ADAMTS18: variants seen among roughly 807,000 people sequenced by gnomAD.
ADAMTS18 encodes A disintegrin and metalloproteinase with thrombospondin motifs 18.
A neutral mutation model predicts 165.9 loss-of-function variants in ADAMTS18; 157 were observed. The observed-to-expected ratio is 0.95, with a 90% CI of 0.83 to 1.08. The LOEUF (loss-of-function observed/expected upper bound fraction) is 1.08, where lower values mean the gene tolerates loss of function less well. ADAMTS18 is among the 50% of genes least tolerant of loss of function. ADAMTS18 has a pLI of 0.00. For synonymous variants in ADAMTS18, 782 were observed against 578.2 expected, an observed-to-expected ratio of 1.35 and a Z score of -5.06; for missense variants, 2,040 against 1,534.0, an observed-to-expected ratio of 1.33 and a Z score of -5.51.
chr16:77,412,885 C>CA (rs1284511515), intron 3 of ADAMTS18, among the ~76,000 whole-genome samples: 1 of 152,062 alleles, frequency 6.6e-6, no homozygotes, highest in East Asian at 1.9e-4. Flanking sequence ...AACCATATCA[C>CA]AGGGTCTCAC....
chr16:77,433,649 G>A (rs1022884695), intron 2 of ADAMTS18, among the ~76,000 whole-genome samples: 1 of 152,174 alleles, frequency 6.6e-6, no homozygotes, highest in Non-Finnish European at 1.5e-5. Context: ...GACAAGAAAA[G>A]GAGATAACCT....
At position 77,434,462 on chromosome 16, in the gene ADAMTS18, G is replaced by A. The variant is rs1444749110; in HGVS notation, c.134C>T (p.Ala45Val). The stretch of plus-strand genomic sequence containing the variant: ...GCCGCTGCTGCTGTCACTGGCTAAG[G>A]CCGCGGCGACCGACGCACAGCAGAG... ...CCLCCASVAA[A>V]LASDSSSGAS... The change falls in exon 2 of 23, where the codon GCC becomes GTC. Residue 45 changes from alanine to valine, a missense_variant. Transcript: ENST00000282849. 1 of 1,572,618 alleles carries A rather than the reference G, an allele frequency of 6.4e-7. No individual in the cohort carries two copies. The highest frequency in any genetic ancestry group is 1.8e-5 in the Admixed American group (1 of 56,040).
intron 3 of ADAMTS18, among the ~76,000 whole-genome samples, chr16:77,402,900 C>T (rs2057348999): frequency 6.6e-6 from 1 of 152,076 alleles, no homozygotes; most frequent in Non-Finnish European, 1.5e-5. Flanking sequence ...TGGGAAATGC[C>T]CCAAATGTCA....
chr16:77,341,842 A>C, intron 10 of ADAMTS18, 43 bp from the exon 11 acceptor site: 1 of 1,356,404 alleles, frequency 7.4e-7, no homozygotes. Context: ...GGTGATATAC[A>C]ATAAAAACAA....
Position 77,349,802 on chromosome 16 carries a change from T to C in ADAMTS18, c.1614+3931A>G, listed in dbSNP as rs145985011. Reference sequence around the variant, plus strand: ...GAAGAAATATACACCGATCCTGCTATCCTTCCAATACAATGCTCTCTAGAA... The same window carrying C: ...GAAGAAATATACACCGATCCTGCTACCCTTCCAATACAATGCTCTCTAGAA... On this transcript the variant is annotated intron_variant, in intron 10 of 22. Transcript: ENST00000282849. Among the ~76,000 whole-genome samples the C allele has an allele frequency of 6.5e-3, 996 of 152,304 alleles. 8 individuals carry two copies. Among genetic ancestry groups the C allele is most frequent in the Admixed American group, 0.011 (170 of 15,300 alleles).
Position 77,353,767 on chromosome 16 carries a change from G to A in ADAMTS18, c.1580C>T (p.Ala527Val), listed in dbSNP as rs764704645. 2 of 1,614,072 alleles carry A rather than the reference G, an allele frequency of 1.2e-6. No individual in the cohort carries two copies. The highest frequency in any genetic ancestry group is 3.3e-5 in the Admixed American group (2 of 60,004). ...ACCAAGGCTGCATAACTTGGCTTTT[G>A]CTCCAAATTGCCATTTACACTGTGT... ...ADTQCKWQFG[A>V]KAKLCSLGFV... is the part of the protein sequence containing the mutation. Residue 527 changes from alanine to valine, a missense_variant, in exon 10 of 23, where the codon GCA becomes GTA. Ala to Val is a moderately conservative substitution (Grantham distance 64). Transcript: ENST00000282849.
intron 3 of ADAMTS18, among the ~76,000 whole-genome samples, chr16:77,423,281 T>A (rs146174061): frequency 7.2e-4 from 110 of 152,360 alleles, no homozygotes; most frequent in African/African-American, 2.6e-3. Flanking sequence ...TTAACTGTTA[T>A]GTTTTTATCT....
chr16:77,347,103 T>C (rs918044880), intron 10 of ADAMTS18, among the ~76,000 whole-genome samples: 3 of 152,186 alleles, frequency 2.0e-5, no homozygotes, highest in African/African-American at 7.2e-5. Context: ...TCATCCATGT[T>C]TTTGTGTGTA....
intron 3 of ADAMTS18, among the ~76,000 whole-genome samples, chr16:77,416,717 A>T (rs2057535056): frequency 6.6e-6 from 1 of 152,186 alleles, no homozygotes; most frequent in African/African-American, 2.4e-5. Flanking sequence ...ACTGATACAT[A>T]TACTATGCTC....
In ADAMTS18 at chr16:77,325,993, A is replaced by G; in HGVS notation, c.1905T>C (p.Tyr635=). The change falls in exon 13 of 23, where the codon TAT becomes TAC. Residue 635 remains tyrosine, a synonymous_variant. Coordinates refer to ENST00000282849, the MANE Select transcript of ADAMTS18 (RefSeq NM_199355.4). ...TGCAAGGGTTAATATTGCACAGCTG[A>G]TAAATACGGCTAGAACCTGGACAGA... is the stretch of plus-strand genomic sequence containing the variant. ...GLFCPGSSRI[Y]QLCNINPCNE... 1 of 1,614,130 alleles carries G rather than the reference A, an allele frequency of 6.2e-7. No individual in the cohort carries two copies. Among genetic ancestry groups the G allele is most frequent in the Non-Finnish European group, 8.5e-7 (1 of 1,179,982 alleles).
chr16:77,402,848 T>C (rs550774039), intron 3 of ADAMTS18, among the ~76,000 whole-genome samples: 3 of 152,172 alleles, frequency 2.0e-5, no homozygotes, highest in African/African-American at 4.8e-5. Context: ...CCAGCCAAGG[T>C]TGAATGCCCT....
chr16:77,376,719 T>C (rs556793260), intron 3 of ADAMTS18, among the ~76,000 whole-genome samples: 38 of 152,302 alleles, frequency 2.5e-4, no homozygotes, highest in African/African-American at 9.1e-4. Flanking sequence ...TTAAATAGTT[T>C]AATGTTTTAT....
intron 3 of ADAMTS18, among the ~76,000 whole-genome samples, chr16:77,398,637 G>C (rs2057289319): frequency 6.6e-6 from 1 of 152,098 alleles, no homozygotes; most frequent in South Asian, 2.1e-4. Flanking sequence ...TTTGCTGTTG[G>C]GGGTTGGGGG....
chr16:77,289,171 G>C (rs1039828708), intron 22 of ADAMTS18, 93 bp downstream of exon 22: 1 of 1,510,240 alleles, frequency 6.6e-7, no homozygotes, highest in African/African-American at 1.4e-5. Context: ...CCCTAGAGTT[G>C]TACAATGTCA....
At position 77,370,469 on chromosome 16, in the gene ADAMTS18, G is replaced by C. The variant is rs78243516; in HGVS notation, c.496-2746C>G. On this transcript the variant is annotated intron_variant, in intron 3 of 22. Coordinates refer to ENST00000282849, the MANE Select transcript of ADAMTS18 (RefSeq NM_199355.4). ...ATCTGAAAAAGAAATCAAGAAGGTG[G>C]CCAAGTGCAGTGGCTCACACCTGTA... Among the ~76,000 whole-genome samples the C allele has an allele frequency of 5.1e-3, 781 of 152,232 alleles. 12 individuals carry two copies. Among genetic ancestry groups the C allele is most frequent in the African/African-American group, 0.018 (751 of 41,532 alleles).
intron 7 of ADAMTS18, among the ~76,000 whole-genome samples, chr16:77,361,259 G>A (rs1414413292): frequency 2.0e-5 from 3 of 152,114 alleles, no homozygotes; most frequent in Non-Finnish European, 4.4e-5. Flanking sequence ...GAGAAAGTTT[G>A]CTGACTCCTG....
chr16:77,326,050 A>G lies in ADAMTS18; in HGVS notation c.1860-12T>C. 1 of 1,612,550 alleles carries G rather than the reference A, an allele frequency of 6.2e-7. No individual in the cohort carries two copies. On this transcript the variant is annotated splice_polypyrimidine_tract_variant and intron_variant, in intron 12 of 22. Coordinates refer to ENST00000282849, the MANE Select transcript of ADAMTS18 (RefSeq NM_199355.4). ...CACCATACTGAGGCCTGAAAATGAA[A>G]TTAATGAACTTTAATGTTAGTAATC... is the stretch of plus-strand genomic sequence containing the variant.
intron 22 of ADAMTS18, 23 bp from the exon 23 acceptor site, chr16:77,284,094 G>A (rs757127596): frequency 6.7e-7 from 1 of 1,502,758 alleles, no homozygotes; most frequent in African/African-American, 1.4e-5. Context: ...AATATATTTA[G>A]CATGTTGGCT....
intron 3 of ADAMTS18, among the ~76,000 whole-genome samples, chr16:77,409,381 T>C (rs556893867): frequency 7.2e-5 from 11 of 151,784 alleles, no homozygotes; most frequent in South Asian, 2.1e-4. Flanking sequence ...CCGAAGAAAA[T>C]AGAGATAAGA....
Sources: gnomAD v4.1 joint callset for allele counts (sites outside exome capture counted in the v4.1 genomes callset) on GRCh38, gnomAD v4.1.1 for gene constraint, MANE v1.5 for transcripts, NCBI Gene and HGNC (gene_info 2026-07-23, HGNC 2026-07-21) for gene names.